The following LRBA variants were observed in gnomAD, a reference collection of about 807,000 sequenced individuals.
LRBA encodes LPS responsive beige-like anchor protein, also known as lipopolysaccharide-responsive and beige-like anchor protein.
Under a neutral mutation model 330.0 loss-of-function variants are expected in LRBA, and 176 were observed. The ratio of observed to expected loss-of-function variants is 0.53; its 90% confidence interval spans 0.47 to 0.60. The LOEUF is 0.60. LRBA is among the 20% of genes least tolerant of loss of function. The probability of loss-of-function intolerance (pLI) is 0.00; values close to 1 mark genes in which losing one functional copy is unlikely to be tolerated. For missense variants in LRBA, 3,259 were observed against 3,444.8 expected (o/e 0.95, Z 1.35); for synonymous variants, 1,230 against 1,193.0 (o/e 1.03, Z -0.64).
chr4:150,958,023 T>C (rs1011481316), intron 2 of LRBA, among the ~76,000 whole-genome samples: 13 of 149,192 alleles, frequency 8.7e-5, no homozygotes, highest in East Asian at 5.8e-4. Flanking sequence ...GTGCAAGCTG[T>C]CAGTGGATCT....
At chr4:150,753,146 GTCCTCTGTATCCGACTGTACCTATTCTCC>G in intron 35 of LRBA, among the ~76,000 whole-genome samples, 1 of 152,102 alleles carries the variant, frequency 6.6e-6, no homozygotes, top group East Asian at 1.9e-4. Flanking sequence ...ACACTGCAAT[GTCCTCTGTATCCGACTGTACCTATTCTCC>G]TCCCCTCGTT....
intron 47 of LRBA, among the ~76,000 whole-genome samples, chr4:150,386,049 TGA>T (rs1244487531): frequency 6.6e-6 from 1 of 152,044 alleles, no homozygotes; most frequent in Non-Finnish European, 1.5e-5. Context: ...AATCAACAAC[TGA>T]GGTGCAATCA....
intron 31 of LRBA, among the ~76,000 whole-genome samples, chr4:150,811,734 G>A (rs538542818): frequency 7.9e-5 from 12 of 152,028 alleles, no homozygotes; most frequent in Non-Finnish European, 1.6e-4. Context: ...TGAACTCCTG[G>A]CTTCAGGTGA....
chr4:150,840,419 A>G, intron 28 of LRBA: 1 of 152,162 alleles, frequency 6.6e-6, no homozygotes, highest in Admixed American at 6.6e-5. Context: ...CTTTCTCTTG[A>G]ACCCTTAGAG....
intron 37 of LRBA, among the ~76,000 whole-genome samples, chr4:150,681,808 T>C (rs1783078531): frequency 6.6e-6 from 1 of 152,172 alleles, no homozygotes; most frequent in Non-Finnish European, 1.5e-5. Flanking sequence ...ATTTCAGTTG[T>C]TTCTGGCTTA....
At chr4:150,752,559 T>C (rs1733704592) in intron 35 of LRBA, among the ~76,000 whole-genome samples, 2 of 152,100 alleles carry the variant, frequency 1.3e-5, no homozygotes, top group African/African-American at 4.8e-5. Context: ...TTAGCCCAGG[T>C]AGTAGCCACT....
intron 40 of LRBA, among the ~76,000 whole-genome samples, chr4:150,566,339 C>T (rs1487039882): frequency 1.3e-5 from 2 of 152,070 alleles, no homozygotes; most frequent in African/African-American, 4.8e-5. Flanking sequence ...CATTTCAATT[C>T]TCCTTTAAGA....
chr4:150,600,608 C>T (rs1774015669), intron 37 of LRBA, among the ~76,000 whole-genome samples: 1 of 151,568 alleles, frequency 6.6e-6, no homozygotes, highest in African/African-American at 2.4e-5. Flanking sequence ...ATAATGTAAT[C>T]AAAATGTAAT....
At chr4:150,898,783 G>A (rs916506288) in intron 14 of LRBA, among the ~76,000 whole-genome samples, 5 of 152,216 alleles carry the variant, frequency 3.3e-5, no homozygotes, top group African/African-American at 1.2e-4. Context: ...ACCTAGGACA[G>A]TACATGATAC....
intron 34 of LRBA, among the ~76,000 whole-genome samples, chr4:150,794,346 C>T (rs1740426471): frequency 1.3e-5 from 2 of 151,762 alleles, no homozygotes; most frequent in Non-Finnish European, 2.9e-5. Context: ...TGAAAATATT[C>T]ATCTATAAAA....
Position 150,265,415 on chromosome 4 carries a change from A to G in LRBA, c.*307T>C. The G allele has an allele frequency of 4.4e-6, 1 of 226,816 alleles. No homozygotes were observed. The highest frequency in any genetic ancestry group is 9.0e-6 in the Non-Finnish European group (1 of 111,236). 14.1% of individuals were successfully genotyped at this position (226,816 alleles called of 1,614,324 possible). A position where few individuals can be genotyped will look rare whatever the true frequency, so the allele number is the denominator to read the frequency against. ...ATGCATGGGAAATGTTCTTCATAATATTATAGCTGGAATAAGTGGTTTACT... is the reference window on the plus strand; with the variant it reads ...ATGCATGGGAAATGTTCTTCATAATGTTATAGCTGGAATAAGTGGTTTACT... On this transcript the variant is annotated 3_prime_UTR_variant, in exon 57 of 57. Transcript: ENST00000651943.
intron 28 of LRBA, among the ~76,000 whole-genome samples, chr4:150,842,397 C>A (rs1749227969): frequency 6.6e-6 from 1 of 152,140 alleles, no homozygotes; most frequent in Non-Finnish European, 1.5e-5. Context: ...AGCGATCCTC[C>A]CCACCTCAGC....
At chr4:150,552,182 T>C (rs1366173593) in intron 40 of LRBA, among the ~76,000 whole-genome samples, 1 of 152,168 alleles carries the variant, frequency 6.6e-6, no homozygotes, top group Non-Finnish European at 1.5e-5. Flanking sequence ...GCCCAGTTCC[T>C]GACAGGGAAA....
At chr4:150,807,628 TTTGTTGTTGTTG>T (rs57037174) in intron 32 of LRBA, among the ~76,000 whole-genome samples, 42 of 149,762 alleles carry the variant, frequency 2.8e-4, no homozygotes, top group African/African-American at 7.6e-4. Context: ...ATATCAGCAT[TTTGTTGTTGTTG>T]TTGTTGTTGT....
At chr4:150,346,785 A>AAAAAAAC (rs1736411935) in intron 48 of LRBA, among the ~76,000 whole-genome samples, 1 of 127,780 alleles carries the variant, frequency 7.8e-6, no homozygotes. Context: ...AAAAAAAAAA[A>AAAAAAAC]AACACTTATT....
At chr4:150,471,019 T>C (rs1247109787) in intron 43 of LRBA, among the ~76,000 whole-genome samples, 1 of 152,172 alleles carries the variant, frequency 6.6e-6, no homozygotes, top group Non-Finnish European at 1.5e-5. Context: ...AGTTTCCCAA[T>C]GAACTGACGC....
intron 47 of LRBA, among the ~76,000 whole-genome samples, chr4:150,372,356 T>G (rs1281959667): frequency 6.6e-6 from 1 of 151,992 alleles, no homozygotes; most frequent in Non-Finnish European, 1.5e-5. Flanking sequence ...ATGCCTGTAA[T>G]CCCAGCAATT....
At chr4:150,327,112 A>T (rs926492976) in intron 48 of LRBA, among the ~76,000 whole-genome samples, 1 of 152,200 alleles carries the variant, frequency 6.6e-6, no homozygotes, top group Non-Finnish European at 1.5e-5. Context: ...GACTTAGTTT[A>T]TGAATGAGAA....
chr4:150,672,301 T>C (rs1045900046), intron 37 of LRBA, among the ~76,000 whole-genome samples: 4 of 152,000 alleles, frequency 2.6e-5, no homozygotes, highest in Non-Finnish European at 5.9e-5. Context: ...AACACATCAG[T>C]AGTAAACATT....
Sources: allele counts gnomAD v4.1 joint callset (sites outside exome capture counted in the v4.1 genomes callset), GRCh38; gene constraint gnomAD v4.1.1; transcripts MANE v1.5; gene names NCBI Gene and HGNC (gene_info 2026-07-23, HGNC 2026-07-21).